The following SBNO1 variants were observed in gnomAD, a reference collection of about 807,000 sequenced individuals.
SBNO1 encodes the protein strawberry notch homolog 1.
A neutral mutation model predicts 173.6 loss-of-function variants in SBNO1; 23 were observed. The ratio of observed to expected loss-of-function variants is 0.13; its 90% CI spans 0.10 to 0.19. The LOEUF is 0.19. SBNO1 is among the 10% of genes least tolerant of loss of function. The probability of loss-of-function intolerance (pLI) is 1.00; values close to 1 mark genes in which losing one functional copy is unlikely to be tolerated. For missense variants in SBNO1, 1,238 were observed against 1,671.2 expected, an observed-to-expected ratio of 0.74 and a Z score of 4.52; for synonymous variants, 632 against 571.5, an observed-to-expected ratio of 1.11 and a Z score of -1.51.
chr12:123,350,283 G>C, intron 2 of SBNO1, 27 bp downstream of exon 2: 1 of 1,611,436 alleles, frequency 6.2e-7, no homozygotes, highest in Non-Finnish European at 8.5e-7. Context: ...AAATCACTAA[G>C]AAAGAGAGGC....
rs143013489 is a variant in SBNO1 at position 123,294,634 on chromosome 12, C to CAAAAAAAAAAA, written c.*1263_*1273dup. The stretch of plus-strand genomic sequence containing the variant: ...TTTTCAATAGTGCAACCTGTGGAAG[C>CAAAAAAAAAAA]AAAAAAAAAAAAAAAAAAAAAAAAA... On this transcript the variant is annotated 3_prime_UTR_variant, in exon 32 of 32. Transcript: ENST00000602398. 3.3e-3 allele frequency: 197 copies of CAAAAAAAAAAA among 60,022 alleles called. 3 individuals carry two copies. The highest frequency in any genetic ancestry group is 8.5e-3 in the African/African-American group (104 of 12,268). The allele number at this position is 60,022 out of a possible 1,614,324, so 3.7% of individuals were successfully genotyped here.
At position 123,330,444 on chromosome 12, in the gene SBNO1, T is replaced by C. The variant is rs1351204618; in HGVS notation, c.1109A>G (p.Asn370Ser). 2 of 1,600,100 alleles carry C rather than the reference T, an allele frequency of 1.2e-6. No individual in the cohort carries two copies. Among genetic ancestry groups the C allele is most frequent in the East Asian group, 2.2e-5 (1 of 44,734 alleles). Residue 370 changes from asparagine to serine, a missense_variant, in exon 9 of 32, where the codon AAC becomes AGC. By Grantham distance (46) the Asn-to-Ser change is conservative. Around this residue, in one of 14 missense-constraint regions of SBNO1, gnomAD observed 56 missense variants for 65.1 expected, o/e 0.86. Transcript: ENST00000602398. Reference protein sequence around the residue: ...ERDLRDIGAKNILVHSLNKFK... With the variant: ...ERDLRDIGAKSILVHSLNKFK... ...CTTATTTAACGAATGAACCAAAATG[T>C]TTTTTGCTCCAATATCCCTTAAATC...
intron 2 of SBNO1, among the ~76,000 whole-genome samples, chr12:123,348,419 T>G (rs563388288): frequency 7.2e-5 from 11 of 151,726 alleles, no homozygotes; most frequent in Admixed American, 1.3e-4. Flanking sequence ...GTCAGGAGTT[T>G]GAGACCAGCC....
chr12:123,348,629 G>C (rs1206138466), intron 2 of SBNO1, among the ~76,000 whole-genome samples: 1 of 152,174 alleles, frequency 6.6e-6, no homozygotes, highest in Non-Finnish European at 1.5e-5. Context: ...CACCGAGTGT[G>C]GTGGTGGGCG....
intron 5 of SBNO1, among the ~76,000 whole-genome samples, chr12:123,339,528 T>C (rs1172802364): frequency 2.0e-5 from 3 of 152,052 alleles, no homozygotes; most frequent in African/African-American, 7.2e-5. Flanking sequence ...CAGGGCACCT[T>C]GGCCTCCCAG....
chr12:123,304,452 TCTCGAA>T (rs2048867115), intron 29 of SBNO1, 124 bp downstream of exon 29: 1 of 652,234 alleles, frequency 1.5e-6, no homozygotes, highest in African/African-American at 1.9e-5. Context: ...GTCAGGCTGG[TCTCGAA>T]CTCCTGACCT....
intron 1 of SBNO1, among the ~76,000 whole-genome samples, chr12:123,362,968 T>C (rs1231457293): frequency 1.3e-5 from 2 of 151,390 alleles, no homozygotes; most frequent in South Asian, 2.1e-4. Context: ...ACATCTGTAG[T>C]CCCAGCTACT....
intron 3 of SBNO1, among the ~76,000 whole-genome samples, chr12:123,346,601 T>C (rs1211036765): frequency 6.6e-6 from 1 of 151,840 alleles, no homozygotes; most frequent in African/African-American, 2.4e-5. Context: ...GAGGCGGAGG[T>C]TGCAGTGCGC....
rs1006168792 is a variant in SBNO1 at position 123,295,647 on chromosome 12, C to A, written c.*261G>T. 3.3e-5 allele frequency: 14 copies of A among 426,162 alleles called. No individual in the cohort carries two copies. Among genetic ancestry groups the A allele is most frequent in the Non-Finnish European group, 5.6e-5 (13 of 231,548 alleles). The allele number at this position is 426,162 out of a possible 1,614,324, so 26.4% of individuals were successfully genotyped here. A position where few individuals can be genotyped will look rare whatever the true frequency, so the allele number is the denominator to read the frequency against. On this transcript the variant is annotated 3_prime_UTR_variant, in exon 32 of 32. Coordinates refer to ENST00000602398, the MANE Select transcript of SBNO1 (RefSeq NM_001167856.3). ...ACAGACTGACACACACGCACACACACATCCCCCTCTGCTCACCCGAAGTAA... is the reference window on the plus strand; with the variant it reads ...ACAGACTGACACACACGCACACACAAATCCCCCTCTGCTCACCCGAAGTAA...
intron 25 of SBNO1, among the ~76,000 whole-genome samples, chr12:123,310,524 G>A (rs938556986): frequency 8.0e-5 from 12 of 150,816 alleles, no homozygotes; most frequent in Non-Finnish European, 1.6e-4. Context: ...GAGCCACCGC[G>A]CCCGACCAAT....
rs2048506417 is a variant in SBNO1, at chr12:123,291,205, T to C, written c.*4703A>G. The stretch of plus-strand genomic sequence containing the variant: ...AGGTTAAAAGCATAGGCCCGACTTC[T>C]TAAATAAACATAGGGAATTTGCTGC... On this transcript the variant is annotated 3_prime_UTR_variant, in exon 32 of 32. Coordinates refer to ENST00000602398, the MANE Select transcript of SBNO1 (RefSeq NM_001167856.3). 1 of 152,164 alleles carries C rather than the reference T, an allele frequency of 6.6e-6. No homozygotes were observed. Among genetic ancestry groups the C allele is most frequent in the African/African-American group, 2.4e-5 (1 of 41,434 alleles). 9.4% of individuals were successfully genotyped at this position (152,164 alleles called of 1,614,324 possible).
intron 16 of SBNO1, among the ~76,000 whole-genome samples, chr12:123,323,283 T>C (rs1232820524): frequency 1.3e-5 from 2 of 152,364 alleles, no homozygotes; most frequent in East Asian, 3.9e-4. Context: ...AGGCAGTTCA[T>C]TCCCAAAATA....
intron 18 of SBNO1, 29 bp from the exon 19 acceptor site, chr12:123,320,636 G>A: frequency 6.2e-7 from 1 of 1,600,538 alleles, no homozygotes; most frequent in Non-Finnish European, 8.5e-7. Flanking sequence ...CTAAAAGTTA[G>A]TACAAAGTTT....
At chr12:123,314,437 T>C (rs984011926) in intron 23 of SBNO1, among the ~76,000 whole-genome samples, 3 of 150,686 alleles carry the variant, frequency 2.0e-5, no homozygotes, top group Non-Finnish European at 4.4e-5. Flanking sequence ...TGAAGTGATT[T>C]TCCTGCCTCA....
At chr12:123,331,516 T>A in intron 7 of SBNO1, 141 bp from the exon 8 acceptor site, 1 of 845,770 alleles carries the variant, frequency 1.2e-6, no homozygotes. Flanking sequence ...TACATAAATT[T>A]CATAGAGTTT....
In SBNO1 at chr12:123,327,522, A is replaced by C. The variant is rs1566038291; in HGVS notation, c.1596T>G (p.Ile532Met). Residue 532 changes from isoleucine to methionine, a missense_variant, in exon 13 of 32, where the codon ATT becomes ATG. By Grantham distance (10) the Ile-to-Met change is conservative. This residue lies in a region of SBNO1 where 182 missense variants were observed against 339.9 expected (regional missense o/e 0.54). Transcript: ENST00000602398. ...AMDMKLRGMY[I>M]ARQLSFTGVT... The stretch of plus-strand genomic sequence containing the variant: ...CTCCAGTAAAGCTCAGTTGTCGAGC[A>C]ATGTACATTCCTCTAAGCTTCATAT... 1 of 1,613,948 alleles carries C rather than the reference A, an allele frequency of 6.2e-7. No homozygotes were observed. The highest frequency in any genetic ancestry group is 8.5e-7 in the Non-Finnish European group (1 of 1,179,836).
chr12:123,298,535 G>A (rs934288397), intron 30 of SBNO1, among the ~76,000 whole-genome samples: 1 of 152,204 alleles, frequency 6.6e-6, no homozygotes, highest in African/African-American at 2.4e-5. Context: ...GATTACAGGC[G>A]TGAGCCACCG....
At chr12:123,329,452 AC>A (rs1870948251) in intron 9 of SBNO1, among the ~76,000 whole-genome samples, 1 of 151,814 alleles carries the variant, frequency 6.6e-6, no homozygotes. Flanking sequence ...TAAAAACCAG[AC>A]AAACTTCCCT....
intron 1 of SBNO1, among the ~76,000 whole-genome samples, chr12:123,353,228 C>T (rs1874083026): frequency 6.6e-6 from 1 of 152,138 alleles, no homozygotes; most frequent in African/African-American, 2.4e-5. Flanking sequence ...ATAAACATTA[C>T]CATACTCAAG....
Sources: gnomAD v4.1 joint callset for allele counts (sites outside exome capture counted in the v4.1 genomes callset) on GRCh38, gnomAD v4.1.1 for gene constraint, gnomAD v4.1.1 regional missense constraint, MANE v1.5 for transcripts, NCBI Gene and HGNC (gene_info 2026-07-23, HGNC 2026-07-21) for gene names.